The following SLC25A21 variants were observed in gnomAD, a reference collection of about 807,000 sequenced individuals.
SLC25A21 encodes the protein mitochondrial 2-oxodicarboxylate carrier.
In SLC25A21, 47 loss-of-function variants were observed where a neutral mutation model predicts 43.8. That is an observed-to-expected ratio of 1.07 (90% CI 0.85 to 1.37). The LOEUF is 1.37. Among genes scored for constraint, SLC25A21 ranks in the 40% most tolerant of loss-of-function variants. The pLI is 0.00. For missense variants in SLC25A21, 352 were observed against 350.2 expected (o/e 1.00, Z -0.04); for synonymous variants, 131 against 121.3 (o/e 1.08, Z -0.52).
chr14:36,887,345 G>A (rs1221501644), intron 1 of SLC25A21, among the ~76,000 whole-genome samples: 1 of 151,778 alleles, frequency 6.6e-6, no homozygotes, highest in African/African-American at 2.4e-5. Flanking sequence ...GGCAGATCAT[G>A]GGAGCTCAGG....
chr14:36,878,161 A>G (rs903407176), intron 1 of SLC25A21, among the ~76,000 whole-genome samples: 5 of 152,258 alleles, frequency 3.3e-5, no homozygotes, highest in Admixed American at 6.5e-5. Context: ...CTCTCATCAT[A>G]GCATAGATGT....
intron 7 of SLC25A21, among the ~76,000 whole-genome samples, chr14:36,696,664 C>A (rs1283890512): frequency 6.6e-6 from 1 of 152,108 alleles, no homozygotes; most frequent in African/African-American, 2.4e-5. Context: ...GGAATTTATC[C>A]ATTTCTTCTA....
At chr14:36,830,692 A>T (rs2217400) in intron 2 of SLC25A21, among the ~76,000 whole-genome samples, 12,655 of 152,098 alleles carry the variant, frequency 0.083, 724 homozygotes, top group East Asian at 0.31. Context: ...TTATTTTTCA[A>T]AATTAATATA....
intron 3 of SLC25A21, chr14:36,806,925 T>C (rs1306653523): frequency 2.6e-5 from 4 of 152,190 alleles, no homozygotes; most frequent in Non-Finnish European, 4.4e-5. Context: ...TCTGCTTTCC[T>C]TGTCATCACC....
intron 3 of SLC25A21, among the ~76,000 whole-genome samples, chr14:36,766,160 A>G (rs867696315): frequency 1.3e-4 from 20 of 152,186 alleles, no homozygotes; most frequent in African/African-American, 4.6e-4. Flanking sequence ...GATCTACACC[A>G]GAGTTTTTCT....
rs1443444518 is a variant in SLC25A21, at chr14:36,762,875, G to GAGA, written c.204-28303_204-28302insTCT. ...GCCTATCTCTCTAGCACAAAGCAGAGTTTAAGAATACGTCATTATCTTGAA... is the reference window on the plus strand; with the variant it reads ...GCCTATCTCTCTAGCACAAAGCAGAGAGATTTAAGAATACGTCATTATCTTGAA... On this transcript the variant is annotated intron_variant, in intron 3 of 9. Coordinates refer to ENST00000331299, the MANE Select transcript of SLC25A21 (RefSeq NM_030631.4). Among the ~76,000 whole-genome samples, 5 of 152,282 alleles carry GAGA rather than the reference G, an allele frequency of 3.3e-5. No individual in the cohort carries two copies. In the South Asian group the frequency reaches 1.0e-3, roughly 32 times the overall value.
At chr14:37,103,283 A>G (rs1006214483) in intron 1 of SLC25A21, among the ~76,000 whole-genome samples, 1 of 152,214 alleles carries the variant, frequency 6.6e-6, no homozygotes, top group Non-Finnish European at 1.5e-5. Context: ...GGATTACACT[A>G]AATTACACAC....
chr14:36,749,848 C>T (rs568859575), intron 3 of SLC25A21, among the ~76,000 whole-genome samples: 70 of 152,314 alleles, frequency 4.6e-4, no homozygotes, highest in Non-Finnish European at 5.9e-5. Flanking sequence ...TGCAGCACCC[C>T]CATCTGAGTC....
At chr14:36,740,230 G>A (rs1392438024) in intron 3 of SLC25A21, among the ~76,000 whole-genome samples, 1 of 152,118 alleles carries the variant, frequency 6.6e-6, no homozygotes, top group South Asian at 2.1e-4. Context: ...TTAAGAAATG[G>A]TCTCAGATTG....
chr14:37,156,158 C>CAAAAAAAAAAAAAAAAAAAAAAAAAAA (rs61052100), intron 1 of SLC25A21, among the ~76,000 whole-genome samples: 1 of 103,818 alleles, frequency 9.6e-6, no homozygotes. Context: ...GACTCCATCT[C>CAAAAAAAAAAAAAAAAAAAAAAAAAAA]AAAAAAAAAA....
chr14:37,151,019 TTCTC>T (rs367625540), intron 1 of SLC25A21, among the ~76,000 whole-genome samples: 14 of 150,676 alleles, frequency 9.3e-5, no homozygotes, highest in East Asian at 5.8e-4. Flanking sequence ...CATTGGTAGG[TTCTC>T]TCTCTCTCTC....
intron 2 of SLC25A21, among the ~76,000 whole-genome samples, chr14:36,827,738 T>C (rs1052681723): frequency 2.6e-5 from 4 of 152,192 alleles, no homozygotes; most frequent in African/African-American, 4.8e-5. Flanking sequence ...AGTTAAAAGG[T>C]TATGAAAATA....
chr14:36,700,791 C>G (rs543101870), intron 7 of SLC25A21, among the ~76,000 whole-genome samples: 1 of 152,162 alleles, frequency 6.6e-6, no homozygotes, highest in East Asian at 1.9e-4. Flanking sequence ...AACAAAGAAC[C>G]AAGGTTTCAG....
chr14:36,814,110 C>A, intron 2 of SLC25A21, 109 bp from the exon 3 acceptor site: 1 of 679,982 alleles, frequency 1.5e-6, no homozygotes, highest in Non-Finnish European at 2.5e-6. Context: ...CTAGAATATT[C>A]TGCTTTGGTA....
chr14:37,069,277 T>C (rs1458764779), intron 1 of SLC25A21, among the ~76,000 whole-genome samples: 1 of 151,980 alleles, frequency 6.6e-6, no homozygotes, highest in Non-Finnish European at 1.5e-5. Context: ...AGGGGTGTGG[T>C]TTTCAAGAGC....
intron 1 of SLC25A21, among the ~76,000 whole-genome samples, chr14:37,057,771 A>G (rs1036316333): frequency 2.6e-5 from 4 of 152,354 alleles, no homozygotes; most frequent in African/African-American, 9.6e-5. Context: ...GTTCTATCTT[A>G]TCAATATGTG....
chr14:37,151,617 T>C (rs1963760320), intron 1 of SLC25A21, among the ~76,000 whole-genome samples: 1 of 152,234 alleles, frequency 6.6e-6, no homozygotes, highest in Non-Finnish European at 1.5e-5. Flanking sequence ...TTTCTCATTC[T>C]GCACACTAAG....
chr14:36,832,491 G>A (rs1014530953), intron 2 of SLC25A21, among the ~76,000 whole-genome samples: 1 of 151,948 alleles, frequency 6.6e-6, no homozygotes, highest in Non-Finnish European at 1.5e-5. Flanking sequence ...AATCTTTTTT[G>A]CACTTTTATA....
intron 1 of SLC25A21, among the ~76,000 whole-genome samples, chr14:37,128,877 T>A (rs888733154): frequency 6.6e-6 from 1 of 152,188 alleles, no homozygotes; most frequent in Non-Finnish European, 1.5e-5. Context: ...TGTGAGCCAC[T>A]GCACCTGGCC....
Sources: allele counts gnomAD v4.1 joint callset (sites outside exome capture counted in the v4.1 genomes callset), GRCh38; gene constraint gnomAD v4.1.1; transcripts MANE v1.5; gene names NCBI Gene and HGNC (gene_info 2026-07-23, HGNC 2026-07-21).